The following RIMS1 variants were observed in gnomAD, a reference collection of about 807,000 sequenced individuals.
RIMS1 encodes regulating synaptic membrane exocytosis protein 1.
Under a neutral mutation model 214.1 loss-of-function variants are expected in RIMS1, and 83 were observed. The observed-to-expected ratio is 0.39, with a 90% CI of 0.32 to 0.47. RIMS1 has a LOEUF of 0.47. RIMS1 is among the 20% of genes least tolerant of loss of function. The pLI, the probability that RIMS1 is intolerant of heterozygous loss-of-function variation, is 0.99. For missense variants in RIMS1, 2,050 were observed against 2,161.8 expected (o/e 0.95, Z 1.03); for synonymous variants, 793 against 786.8 (o/e 1.01, Z -0.13).
chr6:72,276,712 T>G (rs2086642265), intron 23 of RIMS1, among the ~76,000 whole-genome samples: 1 of 152,186 alleles, frequency 6.6e-6, no homozygotes, highest in Non-Finnish European at 1.5e-5. Context: ...TACAATACAA[T>G]TTTATTAAAA....
chr6:71,920,383 G>C (rs1313733142), intron 1 of RIMS1, among the ~76,000 whole-genome samples: 2 of 152,068 alleles, frequency 1.3e-5, no homozygotes, highest in African/African-American at 4.8e-5. Flanking sequence ...AACATTAAGG[G>C]ACACAGAATG....
At chr6:72,366,583 T>A (rs1317484347) in intron 29 of RIMS1, 1 of 592,176 alleles carries the variant, frequency 1.7e-6, no homozygotes, top group Non-Finnish European at 2.1e-6. Context: ...TGCTTAGTGA[T>A]GTTACACTTC....
chr6:72,248,773 T>C (rs1411746906), intron 12 of RIMS1, among the ~76,000 whole-genome samples: 1 of 152,218 alleles, frequency 6.6e-6, no homozygotes, highest in Non-Finnish European at 1.5e-5. Context: ...GCTCCTCTGA[T>C]AATGTGTGGA....
chr6:72,264,010 G>T (rs2079286683), intron 19 of RIMS1: 2 of 735,382 alleles, frequency 2.7e-6, no homozygotes, highest in South Asian at 6.2e-5. Flanking sequence ...GAAAAGAAAA[G>T]AAAATGGCAT....
At chr6:72,128,965 G>A (rs1253810553) in intron 4 of RIMS1, among the ~76,000 whole-genome samples, 3 of 152,056 alleles carry the variant, frequency 2.0e-5, no homozygotes, top group Non-Finnish European at 4.4e-5. Flanking sequence ...ATCATTTTAT[G>A]ACATTAAATC....
intron 4 of RIMS1, among the ~76,000 whole-genome samples, chr6:72,119,637 G>A (rs1342648146): frequency 6.6e-6 from 1 of 151,460 alleles, no homozygotes; most frequent in Non-Finnish European, 1.5e-5. Context: ...AAGACATAAA[G>A]CCAAATACTT....
chr6:72,140,292 G>C (rs1020971019), intron 4 of RIMS1, among the ~76,000 whole-genome samples: 1 of 152,000 alleles, frequency 6.6e-6, no homozygotes. Flanking sequence ...TTTAGTTTCT[G>C]TATAATCCTA....
At chr6:72,230,752 T>G (rs1222668254) in intron 6 of RIMS1, among the ~76,000 whole-genome samples, 1 of 151,640 alleles carries the variant, frequency 6.6e-6, no homozygotes, top group Non-Finnish European at 1.5e-5. Flanking sequence ...GATAGTTGGG[T>G]GTTTATTAAG....
At chr6:71,962,188 C>T (rs1167275815) in intron 1 of RIMS1, among the ~76,000 whole-genome samples, 2 of 152,068 alleles carry the variant, frequency 1.3e-5, no homozygotes, top group African/African-American at 2.4e-5. Context: ...TACTTTTTAC[C>T]TATTATTTTC....
At chr6:72,291,887 A>T in intron 25 of RIMS1, 47 bp from the exon 26 acceptor site, 1 of 1,390,294 alleles carries the variant, frequency 7.2e-7, no homozygotes. Context: ...TTGTCAGACC[A>T]CATTGGAATT....
At chr6:72,002,320 T>C (rs62409468) in intron 2 of RIMS1, among the ~76,000 whole-genome samples, 8 of 152,068 alleles carry the variant, frequency 5.3e-5, no homozygotes, top group Non-Finnish European at 1.5e-5. Flanking sequence ...AAAAAAAAAT[T>C]ACAAAGTTCT....
chr6:72,108,867 C>T lies in RIMS1; in HGVS notation c.471+8881C>T, dbSNP rs1301402339. Among the ~76,000 whole-genome samples the T allele has an allele frequency of 3.3e-5, 4 of 123,054 alleles. 1 individual carries two copies. Among genetic ancestry groups the T allele is most frequent in the African/African-American group, 1.3e-4 (4 of 31,844 alleles). 80.7% of individuals were successfully genotyped at this position (123,054 alleles called of 152,430 possible). A position where few individuals can be genotyped will look rare whatever the true frequency, so the allele number is the denominator to read the frequency against. On this transcript the variant is annotated intron_variant, in intron 4 of 33. Transcript: ENST00000521978. ...CCTCCCCCCTCCCCCCACCCCACCA[C>T]AGTCCCTAGAGTGTGATGTTCCCCT...
chr6:71,982,886 C>CCTGCACAGTGCCTGATTGTCTT (rs1442387305), intron 2 of RIMS1, among the ~76,000 whole-genome samples: 1 of 152,138 alleles, frequency 6.6e-6, no homozygotes, highest in Non-Finnish European at 1.5e-5. Context: ...TTAAGTCCTG[C>CCTGCACAGTGCCTGATTGTCTT]CTGCACAGTG....
chr6:71,896,360 A>G (rs974404487), intron 1 of RIMS1, among the ~76,000 whole-genome samples: 2 of 152,178 alleles, frequency 1.3e-5, no homozygotes, highest in African/African-American at 4.8e-5. Context: ...TCTGAAAAAG[A>G]TATTATGGTC....
intron 6 of RIMS1, among the ~76,000 whole-genome samples, chr6:72,222,371 G>C (rs962572169): frequency 2.6e-5 from 4 of 152,038 alleles, no homozygotes; most frequent in African/African-American, 9.7e-5. Flanking sequence ...GGAGTATTAT[G>C]CAAAGAGCAC....
intron 2 of RIMS1, among the ~76,000 whole-genome samples, chr6:72,009,687 A>G (rs913031514): frequency 6.6e-6 from 1 of 152,234 alleles, no homozygotes; most frequent in African/African-American, 2.4e-5. Flanking sequence ...ATCAGAGAAT[A>G]CTATAAACAC....
chr6:72,099,255 G>C (rs1373697515), intron 3 of RIMS1, among the ~76,000 whole-genome samples: 2 of 148,732 alleles, frequency 1.3e-5, no homozygotes, highest in African/African-American at 2.4e-5. Context: ...GAGGTAGGAG[G>C]TACTTACGCT....
At chr6:71,951,661 ATT>A (rs3076630) in intron 1 of RIMS1, among the ~76,000 whole-genome samples, 37,434 of 142,020 alleles carry the variant, frequency 0.26, 4,935 homozygotes, top group East Asian at 0.41. Flanking sequence ...CGCTTAGCTA[ATT>A]TTTTTTTTTT....
In RIMS1 at chr6:71,955,197, C is replaced by T. The variant is rs575733962; in HGVS notation, c.165-13786C>T. 1.5e-3 allele frequency among the ~76,000 whole-genome samples: 222 copies of T among 151,748 alleles called. 1 individual carries two copies. The highest frequency in any genetic ancestry group is 0.012 in the South Asian group (56 of 4,802). ...ATTTTTTTTTTGTGAGACAGAGTCT[C>T]GCTCTGTCATCCAGGCTGGAGTGCG... On this transcript the variant is annotated intron_variant, in intron 1 of 33. Transcript: ENST00000521978.
Sources: allele counts gnomAD v4.1 joint callset (sites outside exome capture counted in the v4.1 genomes callset), GRCh38; gene constraint gnomAD v4.1.1; transcripts MANE v1.5; gene names NCBI Gene and HGNC (gene_info 2026-07-23, HGNC 2026-07-21).